NEK11: variants seen among roughly 807,000 people sequenced by gnomAD.
NEK11 encodes NIMA related kinase 11.
A neutral mutation model predicts 80.7 loss-of-function variants in NEK11; 72 were observed. The ratio of observed to expected loss-of-function variants is 0.89; its 90% CI spans 0.74 to 1.08. NEK11 has a LOEUF of 1.08. Among genes scored for constraint, NEK11 ranks in the 50% least tolerant of loss-of-function variants. The pLI is 0.00. For missense variants in NEK11, 764 were observed against 763.6 expected, an observed-to-expected ratio of 1.00 and a Z score of -0.01; for synonymous variants, 251 against 260.7, an observed-to-expected ratio of 0.96 and a Z score of 0.36.
chr3:131,292,583 A>G (rs568368345), intron 17 of NEK11, among the ~76,000 whole-genome samples: 8 of 150,278 alleles, frequency 5.3e-5, no homozygotes, highest in Admixed American at 2.7e-4. Context: ...TGGTGTGATG[A>G]TAGCTCACTG....
chr3:131,167,026 G>T (rs1322151644), intron 12 of NEK11, among the ~76,000 whole-genome samples: 1 of 152,200 alleles, frequency 6.6e-6, no homozygotes, highest in Non-Finnish European at 1.5e-5. Flanking sequence ...TTCCGAGTTT[G>T]TTAATGTGTA....
intron 17 of NEK11, among the ~76,000 whole-genome samples, chr3:131,345,781 G>A (rs1400825045): frequency 2.0e-5 from 3 of 152,176 alleles, no homozygotes; most frequent in Non-Finnish European, 4.4e-5. Flanking sequence ...CAATCTAAAT[G>A]TCTATCAATG....
intron 14 of NEK11, among the ~76,000 whole-genome samples, chr3:131,219,565 A>G (rs1267674073): frequency 6.6e-6 from 1 of 151,686 alleles, no homozygotes. Flanking sequence ...ACAAAAAAAA[A>G]AAAGAGGAAT....
At chr3:131,235,796 C>T (rs2095421194) in intron 15 of NEK11, among the ~76,000 whole-genome samples, 1 of 152,152 alleles carries the variant, frequency 6.6e-6, no homozygotes, top group African/African-American at 2.4e-5. Context: ...ACCTAAGTTA[C>T]CCCATCCAAT....
chr3:131,048,901 C>T (rs750895004), intron 3 of NEK11, among the ~76,000 whole-genome samples: 21 of 152,180 alleles, frequency 1.4e-4, no homozygotes, highest in Non-Finnish European at 2.8e-4. Context: ...TAGAGCCCTC[C>T]TGACCTTGGA....
chr3:131,214,049 G>A (rs2094727872), intron 14 of NEK11, among the ~76,000 whole-genome samples: 1 of 152,108 alleles, frequency 6.6e-6, no homozygotes, highest in Non-Finnish European at 1.5e-5. Flanking sequence ...AATCAGGAAG[G>A]GAGCCTTCAA....
At chr3:131,231,960 A>G (rs1246043137) in intron 15 of NEK11, among the ~76,000 whole-genome samples, 1 of 152,206 alleles carries the variant, frequency 6.6e-6, no homozygotes, top group Non-Finnish European at 1.5e-5. Context: ...TTTCAAAAAG[A>G]AACACAGCCA....
At chr3:131,084,977 A>C (rs2075779305) in intron 4 of NEK11, among the ~76,000 whole-genome samples, 1 of 152,224 alleles carries the variant, frequency 6.6e-6, no homozygotes, top group Non-Finnish European at 1.5e-5. Flanking sequence ...TAAAGGAAAA[A>C]TTTGTCATTA....
chr3:131,301,475 CTT>C (rs1223489753), intron 17 of NEK11, among the ~76,000 whole-genome samples: 2 of 145,250 alleles, frequency 1.4e-5, no homozygotes. Context: ...AATGCTACAG[CTT>C]TTTTTTTTTG....
chr3:131,028,138 G>A (rs1474170606), intron 2 of NEK11, 136 bp downstream of exon 2: 1 of 152,162 alleles, frequency 6.6e-6, no homozygotes, highest in Non-Finnish European at 1.5e-5. Flanking sequence ...TTTTACTAAC[G>A]TGTCTTTGGA....
intron 4 of NEK11, among the ~76,000 whole-genome samples, chr3:131,103,267 A>C (rs2078671363): frequency 1.3e-5 from 2 of 152,036 alleles, no homozygotes; most frequent in South Asian, 4.1e-4. Flanking sequence ...AGAACTCTTG[A>C]GTTGGTTCTT....
intron 17 of NEK11, among the ~76,000 whole-genome samples, chr3:131,346,800 G>A (rs567064721): frequency 2.6e-5 from 4 of 152,198 alleles, no homozygotes; most frequent in African/African-American, 9.6e-5. Flanking sequence ...TTAGAGAGTA[G>A]GAGGCTTGAA....
At chr3:131,064,806 A>T (rs190163305) in intron 3 of NEK11, among the ~76,000 whole-genome samples, 23 of 152,288 alleles carry the variant, frequency 1.5e-4, no homozygotes, top group Admixed American at 9.8e-4. Flanking sequence ...TGGACCAGTC[A>T]GGCAAACAAG....
intron 17 of NEK11, among the ~76,000 whole-genome samples, chr3:131,281,771 CCTGT>C (rs753775149): frequency 6.6e-6 from 1 of 152,148 alleles, no homozygotes; most frequent in South Asian, 2.1e-4. Context: ...GTTTATTCTG[CCTGT>C]CTGTCTGTCT....
At chr3:131,302,623 G>A (rs1339733285) in intron 17 of NEK11, among the ~76,000 whole-genome samples, 3 of 152,152 alleles carry the variant, frequency 2.0e-5, no homozygotes, top group African/African-American at 7.2e-5. Flanking sequence ...AAGTCATTCA[G>A]GAGAAGATTG....
At chr3:131,270,895 C>T (rs544532649) in intron 16 of NEK11, among the ~76,000 whole-genome samples, 2 of 152,186 alleles carry the variant, frequency 1.3e-5, no homozygotes, top group African/African-American at 4.8e-5. Flanking sequence ...TTATTCTTGG[C>T]GGAACTGATT....
At chr3:131,311,241 C>A (rs914930476) in intron 17 of NEK11, among the ~76,000 whole-genome samples, 2 of 152,124 alleles carry the variant, frequency 1.3e-5, no homozygotes, top group African/African-American at 2.4e-5. Flanking sequence ...GAGCATTTAT[C>A]ATTTCTATGT....
In NEK11 at chr3:131,209,329, C is replaced by T. The variant is rs1009195435; in HGVS notation, c.1400-19199C>T. The stretch of plus-strand genomic sequence containing the variant: ...CCTTGCATCCCAGGGATGAAGCCAA[C>T]GTGACCGTGGTGGATAAGCTTTTTT... On this transcript the variant is annotated intron_variant, in intron 14 of 17. Coordinates refer to ENST00000383366, the MANE Select transcript of NEK11 (RefSeq NM_024800.5). 1.4e-4 allele frequency among the ~76,000 whole-genome samples: 22 copies of T among 152,250 alleles called. 1 individual carries two copies. Among genetic ancestry groups the T allele is most frequent in the East Asian group, 5.8e-4 (3 of 5,188 alleles).
chr3:131,231,896 C>A (rs2095337331), intron 15 of NEK11, among the ~76,000 whole-genome samples: 1 of 152,020 alleles, frequency 6.6e-6, no homozygotes, highest in African/African-American at 2.4e-5. Context: ...AAAGTTGATT[C>A]CCCTTCCTTT....
Sources: allele counts gnomAD v4.1 joint callset (sites outside exome capture counted in the v4.1 genomes callset), GRCh38; gene constraint gnomAD v4.1.1; transcripts MANE v1.5; gene names NCBI Gene and HGNC (gene_info 2026-07-23, HGNC 2026-07-21).